The following FANCC variants were observed in gnomAD, a reference collection of about 807,000 sequenced individuals.
The protein encoded by FANCC is Fanconi anemia group C protein.
A neutral mutation model predicts 71.3 loss-of-function variants in FANCC; 55 were observed. The ratio of observed to expected loss-of-function variants is 0.77; its 90% CI spans 0.62 to 0.97. FANCC has a LOEUF of 0.97. FANCC is among the 50% of genes least tolerant of loss of function. The pLI, the probability that FANCC is intolerant of heterozygous loss-of-function variation, is 0.00. For synonymous variants in FANCC, 275 were observed against 244.9 expected (o/e 1.12, Z -1.15); for missense variants, 678 against 670.9 (o/e 1.01, Z -0.12).
intron 1 of FANCC, chr9:95,292,998 G>A (rs1834147215): frequency 1.3e-6 from 2 of 1,579,122 alleles, no homozygotes; most frequent in African/African-American, 1.4e-5. Flanking sequence ...AGAACACAGG[G>A]ACCCACCTAG....
At chr9:95,243,367 G>A (rs1424303387) in intron 3 of FANCC, among the ~76,000 whole-genome samples, 1 of 152,096 alleles carries the variant, frequency 6.6e-6, no homozygotes, top group Non-Finnish European at 1.5e-5. Context: ...TCTCTTTTCA[G>A]TATCTTTTCA....
At chr9:95,294,516 C>T (rs1834257567) in intron 1 of FANCC, 1 of 1,567,554 alleles carries the variant, frequency 6.4e-7, no homozygotes, top group African/African-American at 1.4e-5. Flanking sequence ...TTCTGAAACA[C>T]TCCAGCTTTT....
intron 1 of FANCC, among the ~76,000 whole-genome samples, chr9:95,252,566 G>A (rs1057034649): frequency 1.3e-5 from 2 of 151,640 alleles, no homozygotes; most frequent in African/African-American, 2.4e-5. Context: ...CTAACACAGC[G>A]AAACCCCATC....
In FANCC at chr9:95,101,513, G is replaced by T; in HGVS notation, c.*194C>A. 2.9e-6 allele frequency: 2 copies of T among 683,942 alleles called. No individual in the cohort carries two copies. Among genetic ancestry groups the T allele is most frequent in the Non-Finnish European group, 5.0e-6 (2 of 399,134 alleles). 42.4% of individuals were successfully genotyped at this position (683,942 alleles called of 1,614,324 possible). On this transcript the variant is annotated 3_prime_UTR_variant, in exon 15 of 15. Transcript: ENST00000289081. ...GTCATTAGTGAACATGTCTGACTGA[G>T]TCTGGGCTGAGGGACCTGGCTCTGC...
rs570103111 is a variant in FANCC at position 95,251,747 on chromosome 9, A to T, written c.-78-2378T>A. Among the ~76,000 whole-genome samples the T allele has an allele frequency of 1.3e-3, 194 of 152,358 alleles. 1 individual carries two copies. The highest frequency in any genetic ancestry group is 4.5e-3 in the African/African-American group (188 of 41,582). On this transcript the variant is annotated intron_variant, in intron 1 of 14. Transcript: ENST00000289081. The stretch of plus-strand genomic sequence containing the variant: ...TAATAGTTTATACTTGCATACATTT[A>T]CACTATGCTCTTGGCAATATATTAA...
intron 4 of FANCC, among the ~76,000 whole-genome samples, chr9:95,179,463 C>T (rs1034003326): frequency 6.6e-6 from 1 of 152,222 alleles, no homozygotes; most frequent in Admixed American, 6.5e-5. Context: ...TCTCCTGCCT[C>T]AGCCTCCAGA....
intron 12 of FANCC, among the ~76,000 whole-genome samples, chr9:95,113,288 C>T (rs772055504): frequency 6.6e-6 from 1 of 152,188 alleles, no homozygotes; most frequent in Non-Finnish European, 1.5e-5. Flanking sequence ...TTGTCTGTGT[C>T]AACTCGGTGT....
At chr9:95,245,036 AACCTC>A (rs1288875320) in intron 3 of FANCC, among the ~76,000 whole-genome samples, 1 of 152,140 alleles carries the variant, frequency 6.6e-6, no homozygotes, top group Middle Eastern at 3.2e-3. Flanking sequence ...CGACATCATA[AACCTC>A]CCCACGTTTC....
chr9:95,281,599 A>G (rs1035955213), intron 1 of FANCC, among the ~76,000 whole-genome samples: 10 of 152,156 alleles, frequency 6.6e-5, no homozygotes, highest in Non-Finnish European at 1.0e-4. Context: ...CTGAAAGTAT[A>G]TAACTCACTG....
chr9:95,119,654 G>A (rs1458186576), intron 10 of FANCC, among the ~76,000 whole-genome samples: 6 of 151,880 alleles, frequency 4.0e-5, no homozygotes, highest in South Asian at 2.1e-4. Context: ...ATGAGCCACC[G>A]TGCCTGGCCT....
intron 6 of FANCC, among the ~76,000 whole-genome samples, chr9:95,165,366 CTT>C (rs926881479): frequency 6.6e-6 from 1 of 150,550 alleles, no homozygotes. Context: ...TTCTTATTTT[CTT>C]TTTTTTTCTT....
At chr9:95,292,530 G>A (rs550726804) in intron 1 of FANCC, 86 of 1,490,512 alleles carry the variant, frequency 5.8e-5, no homozygotes, top group Non-Finnish European at 7.2e-5. Flanking sequence ...CGTGCTGGCG[G>A]GGGAGCTGAT....
intron 1 of FANCC, among the ~76,000 whole-genome samples, chr9:95,257,315 C>A (rs937934820): frequency 6.6e-6 from 1 of 152,068 alleles, no homozygotes; most frequent in African/African-American, 2.4e-5. Context: ...TGCAAAAGAA[C>A]GGAAATCATA....
chr9:95,171,145 T>C lies in FANCC; in HGVS notation c.457-2A>G, dbSNP rs1825653450. ...TTCAGACGCTAATGATAAAACCATCTGTAAAACAAAATCAGTTGCAGGTTA... is the reference window on the plus strand; with the variant it reads ...TTCAGACGCTAATGATAAAACCATCCGTAAAACAAAATCAGTTGCAGGTTA... On this transcript the variant is annotated splice_acceptor_variant, in intron 5 of 14. Coordinates refer to ENST00000289081, the MANE Select transcript of FANCC (RefSeq NM_000136.3). LOFTEE classifies it high-confidence loss of function. 6.2e-7 allele frequency: 1 copy of C among 1,612,292 alleles called. No individual in the cohort carries two copies. Among genetic ancestry groups the C allele is most frequent in the Non-Finnish European group, 8.5e-7 (1 of 1,178,480 alleles).
chr9:95,168,352 C>T (rs191472539), intron 6 of FANCC, among the ~76,000 whole-genome samples: 8 of 152,322 alleles, frequency 5.3e-5, no homozygotes, highest in Non-Finnish European at 1.2e-4. Flanking sequence ...GCAGCACTGT[C>T]AATTCTCTGG....
chr9:95,285,624 T>C (rs1400982592), intron 1 of FANCC, among the ~76,000 whole-genome samples: 6 of 151,970 alleles, frequency 3.9e-5, no homozygotes, highest in Admixed American at 3.9e-4. Context: ...CAGTGAGCTA[T>C]GATTATACCA....
intron 2 of FANCC, among the ~76,000 whole-genome samples, chr9:95,248,863 C>T (rs1050589369): frequency 6.6e-6 from 1 of 152,090 alleles, no homozygotes; most frequent in Non-Finnish European, 1.5e-5. Context: ...TACTACTTGA[C>T]AACAAGCATG....
At chr9:95,294,094 CA>C (rs2136328250) in intron 1 of FANCC, 1 of 1,610,762 alleles carries the variant, frequency 6.2e-7, no homozygotes, top group African/African-American at 1.3e-5. Flanking sequence ...TAATCAGACC[CA>C]AACCATAGAT....
chr9:95,314,391 C>T (rs1239622263), intron 1 of FANCC, among the ~76,000 whole-genome samples: 1 of 152,164 alleles, frequency 6.6e-6, no homozygotes, highest in Non-Finnish European at 1.5e-5. Context: ...CAGTGACTCA[C>T]GCCTGTAATC....
Sources: gnomAD v4.1 joint callset for allele counts (sites outside exome capture counted in the v4.1 genomes callset) on GRCh38, gnomAD v4.1.1 for gene constraint, MANE v1.5 for transcripts, NCBI Gene and HGNC (gene_info 2026-07-23, HGNC 2026-07-21) for gene names.